The following FRAS1 variants were observed in gnomAD, a reference collection of about 807,000 sequenced individuals.
The protein encoded by FRAS1 is extracellular matrix organizing protein FRAS1.
FRAS1 carries 290 observed loss-of-function variants against 435.2 expected under a neutral mutation model. The observed-to-expected ratio is 0.67, with a 90% CI of 0.61 to 0.73. The LOEUF is 0.73. Among genes scored for constraint, FRAS1 ranks in the 30% least tolerant of loss-of-function variants. The probability of loss-of-function intolerance (pLI) is 0.00; values close to 1 mark genes in which losing one functional copy is unlikely to be tolerated. For missense variants in FRAS1, 4,860 were observed against 5,001.5 expected (o/e 0.97, Z 0.85); for synonymous variants, 1,800 against 1,851.0 (o/e 0.97, Z 0.71).
intron 41 of FRAS1, among the ~76,000 whole-genome samples, chr4:78,444,810 C>T (rs1028954157): frequency 3.3e-5 from 5 of 152,162 alleles, no homozygotes; most frequent in Non-Finnish European, 5.9e-5. Context: ...CTGGGCATCT[C>T]GGTACCTGAA....
Position 78,331,486 on chromosome 4 carries a change from T to A in FRAS1, c.2138-1786T>A, listed in dbSNP as rs1729948281. On this transcript the variant is annotated intron_variant, in intron 18 of 73. Coordinates refer to ENST00000512123, the MANE Select transcript of FRAS1 (RefSeq NM_025074.7). ...ACCAACCTGCATGGAAGTAGTTCAA[T>A]ACTTTAACCACCAGTACTGACGAAC... Among the ~76,000 whole-genome samples, 2 of 152,196 alleles carry A rather than the reference T, an allele frequency of 1.3e-5. 1 individual carries two copies. The highest frequency in any genetic ancestry group is 4.1e-4 in the South Asian group (2 of 4,828).
chr4:78,118,195 T>G (rs1718769981), intron 2 of FRAS1, among the ~76,000 whole-genome samples: 2 of 152,194 alleles, frequency 1.3e-5, no homozygotes, highest in Admixed American at 1.3e-4. Context: ...CTGGAAGTTT[T>G]GTGTCAGAGG....
chr4:78,139,240 C>A (rs1333876513), intron 2 of FRAS1, among the ~76,000 whole-genome samples: 1 of 152,010 alleles, frequency 6.6e-6, no homozygotes, highest in Non-Finnish European at 1.5e-5. Context: ...AGGAACAGGA[C>A]CTTGGGATGT....
rs1730357516 is a variant in FRAS1, at chr4:78,340,603, G to A, written c.2422+2786G>A. On this transcript the variant is annotated intron_variant, in intron 20 of 73. Transcript: ENST00000512123. ...ATATGGAGCTTGCCTACAAGAAATG[G>A]ACTCTTTAGTGAATGAAAGTGTTAG... Among the ~76,000 whole-genome samples the A allele has an allele frequency of 2.0e-5, 3 of 152,304 alleles. No individual in the cohort carries two copies. The South Asian group carries it at 6.2e-4, about 32-fold the overall frequency.
At chr4:78,115,795 G>A (rs1578133513) in intron 2 of FRAS1, among the ~76,000 whole-genome samples, 1 of 151,854 alleles carries the variant, frequency 6.6e-6, no homozygotes, top group East Asian at 1.9e-4. Flanking sequence ...TGGATTCATT[G>A]ATTTTTTGAA....
intron 14 of FRAS1, among the ~76,000 whole-genome samples, chr4:78,303,441 C>CT (rs1459340768): frequency 2.6e-5 from 4 of 152,150 alleles, no homozygotes; most frequent in African/African-American, 9.7e-5. Flanking sequence ...CTGTAAATTA[C>CT]GTTGGGCAGT....
intron 71 of FRAS1, among the ~76,000 whole-genome samples, chr4:78,536,764 A>G (rs1721895604): frequency 6.6e-6 from 1 of 152,232 alleles, no homozygotes; most frequent in Non-Finnish European, 1.5e-5. Context: ...TTATTGAAAA[A>G]AAGAAGGCAT....
intron 9 of FRAS1, among the ~76,000 whole-genome samples, chr4:78,267,822 G>A (rs1560615079): frequency 6.6e-6 from 1 of 152,210 alleles, no homozygotes; most frequent in Non-Finnish European, 1.5e-5. Context: ...GGCTCTTGCT[G>A]TAGGCCCCAC....
At chr4:78,395,413 A>G (rs984352333) in intron 29 of FRAS1, among the ~76,000 whole-genome samples, 1 of 151,916 alleles carries the variant, frequency 6.6e-6, no homozygotes, top group African/African-American at 2.4e-5. Context: ...CGATTTCTTT[A>G]TTGATTTTCT....
chr4:78,479,117 A>G lies in FRAS1; in HGVS notation c.8099-257A>G, dbSNP rs1719936377. 2.0e-5 allele frequency among the ~76,000 whole-genome samples: 3 copies of G among 152,238 alleles called. No homozygotes were observed. In the South Asian group the frequency reaches 6.2e-4, roughly 32 times the overall value. On this transcript the variant is annotated intron_variant, in intron 55 of 73. Transcript: ENST00000512123. ...AGATGGTGGGCAATGAGTCTTGCAA[A>G]TTAACAGAGCACAAAATTCACAGAA...
chr4:78,424,750 T>A (rs1733932887), intron 35 of FRAS1, among the ~76,000 whole-genome samples: 1 of 151,582 alleles, frequency 6.6e-6, no homozygotes, highest in African/African-American at 2.4e-5. Flanking sequence ...AAGACCAGCC[T>A]GGACAACAAT....
At position 78,413,036 on chromosome 4, in the gene FRAS1, A is replaced by G; in HGVS notation, c.4376A>G (p.Gln1459Arg). The G allele has an allele frequency of 6.2e-7, 1 of 1,611,558 alleles. No homozygotes were observed. The highest frequency in any genetic ancestry group is 8.5e-7 in the Non-Finnish European group (1 of 1,178,878). The change falls in exon 32 of 74, where the codon CAG (glutamine) becomes CGG (arginine). Residue 1459 changes from glutamine (Q) to arginine (R), a missense_variant. Physicochemically the swap from Gln to Arg is conservative, Grantham distance 43. Coordinates refer to ENST00000512123, the MANE Select transcript of FRAS1 (RefSeq NM_025074.7). ...SHMFNIAILP[Q>R]TPEAPKVSLE... Reference sequence around the variant, plus strand: ...ATGTTCAACATCGCGATCTTACCACAGACACCTGAAGCACCTAAAGTGTCT... The same window carrying G: ...ATGTTCAACATCGCGATCTTACCACGGACACCTGAAGCACCTAAAGTGTCT...
chr4:78,332,174 C>A (rs918330238), intron 18 of FRAS1, among the ~76,000 whole-genome samples: 3 of 152,030 alleles, frequency 2.0e-5, no homozygotes, highest in African/African-American at 7.2e-5. Flanking sequence ...GGAGTGTAAG[C>A]GTATGATAAG....
At chr4:78,284,362 A>G in intron 12 of FRAS1, 43 bp from the exon 13 acceptor site, 4 of 1,602,826 alleles carry the variant, frequency 2.5e-6, no homozygotes, top group Non-Finnish European at 3.4e-6. Context: ...GAAATAATAG[A>G]TGGAGTTCAC....
rs1372893108 is a variant in FRAS1, at chr4:78,371,321, G to A, written c.2869+1337G>A. Among the ~76,000 whole-genome samples, 4 of 152,190 alleles carry A rather than the reference G, an allele frequency of 2.6e-5. No individual in the cohort carries two copies. In the South Asian group the frequency reaches 6.2e-4, roughly 24 times the overall value. ...TTGCACATTTACCTGATTTCTTTGG[G>A]ACTTAGAAATATTCTACCAAGGAAG... On this transcript the variant is annotated intron_variant, in intron 23 of 73. Transcript: ENST00000512123.
intron 20 of FRAS1, among the ~76,000 whole-genome samples, chr4:78,355,523 C>T (rs571046927): frequency 3.9e-5 from 6 of 152,214 alleles, no homozygotes; most frequent in South Asian, 2.1e-4. Context: ...AACGGATACA[C>T]GCTCCCTATT....
At chr4:78,486,238 A>G (rs1400448335) in intron 58 of FRAS1, among the ~76,000 whole-genome samples, 4 of 152,162 alleles carry the variant, frequency 2.6e-5, no homozygotes, top group Non-Finnish European at 5.9e-5. Flanking sequence ...GTTTACATTC[A>G]CTTCATCAGT....
chr4:78,354,829 A>G (rs780245243), intron 20 of FRAS1, among the ~76,000 whole-genome samples: 1 of 152,228 alleles, frequency 6.6e-6, no homozygotes, highest in Non-Finnish European at 1.5e-5. Context: ...CATTGCGTCG[A>G]CAGTACACAT....
intron 3 of FRAS1, among the ~76,000 whole-genome samples, chr4:78,244,655 T>C (rs559802383): frequency 6.6e-6 from 1 of 152,320 alleles, no homozygotes; most frequent in South Asian, 2.1e-4. Context: ...ATTGCAATTA[T>C]AGAAGCTCTG....
Sources: gnomAD v4.1 joint callset for allele counts (sites outside exome capture counted in the v4.1 genomes callset) on GRCh38, gnomAD v4.1.1 for gene constraint, MANE v1.5 for transcripts, NCBI Gene and HGNC (gene_info 2026-07-23, HGNC 2026-07-21) for gene names.